The following BTBD10 variants were observed in gnomAD, a reference collection of about 807,000 sequenced individuals.
BTBD10 encodes the protein BTB domain containing 10.
A neutral mutation model predicts 53.2 loss-of-function variants in BTBD10; 21 were observed. The ratio of observed to expected loss-of-function variants is 0.39; its 90% CI spans 0.28 to 0.57. The LOEUF (loss-of-function observed/expected upper bound fraction) is 0.57, where lower values mean the gene tolerates loss of function less well. Among genes scored for constraint, BTBD10 ranks in the 20% least tolerant of loss-of-function variants. The pLI, the probability that BTBD10 is intolerant of heterozygous loss-of-function variation, is 0.53. For missense variants in BTBD10, 360 were observed against 594.7 expected (o/e 0.61, Z 4.10); for synonymous variants, 149 against 192.7 (o/e 0.77, Z 1.88).
At position 13,419,825 on chromosome 11, in the gene BTBD10, G is replaced by C; in HGVS notation, c.299-80C>G. On this transcript the variant is annotated intron_variant, in intron 3 of 8. Coordinates refer to ENST00000278174, the MANE Select transcript of BTBD10 (RefSeq NM_032320.7). ...TTTATATATATCTTTTTAAATGTTT[G>C]ATTTATAAAAGTTGTTTTAAGTCAC... 2.4e-6 allele frequency: 3 copies of C among 1,252,418 alleles called. No homozygotes were observed. The East Asian group carries it at 8.1e-5, about 34-fold the overall frequency. The allele number at this position is 1,252,418 out of a possible 1,614,324, so 77.6% of individuals were successfully genotyped here.
intron 5 of BTBD10, among the ~76,000 whole-genome samples, chr11:13,416,620 A>G (rs1374444040): frequency 6.6e-6 from 1 of 152,182 alleles, no homozygotes; most frequent in African/African-American, 2.4e-5. Context: ...ATAATCCCCT[A>G]TCCTATCATC....
chr11:13,445,472 A>G (rs1950735061), intron 1 of BTBD10, among the ~76,000 whole-genome samples: 1 of 152,158 alleles, frequency 6.6e-6, no homozygotes. Flanking sequence ...TACCTCATGT[A>G]TCCAAATATC....
At chr11:13,461,273 A>C (rs911796331) in intron 1 of BTBD10, among the ~76,000 whole-genome samples, 14 of 152,202 alleles carry the variant, frequency 9.2e-5, no homozygotes, top group Admixed American at 7.9e-4. Context: ...GGTTTTAATT[A>C]GTTGTCAATA....
intron 2 of BTBD10, among the ~76,000 whole-genome samples, chr11:13,426,654 T>C (rs1950344930): frequency 6.6e-6 from 1 of 152,132 alleles, no homozygotes; most frequent in African/African-American, 2.4e-5. Context: ...GAAGGTATAC[T>C]GTGATAAGTT....
chr11:13,436,013 A>C (rs1950537947), intron 2 of BTBD10, among the ~76,000 whole-genome samples: 1 of 152,230 alleles, frequency 6.6e-6, no homozygotes, highest in Non-Finnish European at 1.5e-5. Context: ...CAGTATGTCT[A>C]ACTATCCTAA....
chr11:13,417,379 A>T (rs1200307368), intron 4 of BTBD10, 119 bp from the exon 5 acceptor site: 1 of 670,694 alleles, frequency 1.5e-6, no homozygotes, highest in African/African-American at 1.8e-5. Flanking sequence ...AAGAATTTTT[A>T]TCATTAATTT....
chr11:13,405,642 C>T lies in BTBD10; in HGVS notation c.1006+17G>A. On this transcript the variant is annotated intron_variant, in intron 7 of 8. Transcript: ENST00000278174. ...TCGTGATGATTCAGGGGAGAGAAAACATGCCAGAGTACGTACTTTGTGAAT... is the reference window on the plus strand; with the variant it reads ...TCGTGATGATTCAGGGGAGAGAAAATATGCCAGAGTACGTACTTTGTGAAT... 6.2e-7 allele frequency: 1 copy of T among 1,612,354 alleles called. No individual in the cohort carries two copies.
intron 2 of BTBD10, chr11:13,439,829 T>C: frequency 7.3e-7 from 1 of 1,370,342 alleles, no homozygotes; most frequent in Non-Finnish European, 9.7e-7. Context: ...TCTTTCAAAT[T>C]CATATATGTA....
At chr11:13,406,608 A>C (rs537915091) in intron 6 of BTBD10, among the ~76,000 whole-genome samples, 1 of 108,388 alleles carries the variant, frequency 9.2e-6, no homozygotes, top group African/African-American at 3.2e-5. Context: ...TGAGCCAGAG[A>C]GAGAGACAGT....
Position 13,421,832 on chromosome 11 carries a change from G to A in BTBD10, c.108C>T (p.Ser36=), listed in dbSNP as rs773328272. 5 of 1,604,878 alleles carry A rather than the reference G, an allele frequency of 3.1e-6. No homozygotes were observed. In the South Asian group the frequency reaches 3.3e-5, roughly 11 times the overall value. ...CAACTCCTCCTTTAGCAATACGCGA[G>A]GAAGTACTGATAAGTTAGAAAGGAA... ...PRKLYKHSST[S]SRIAKGGVDH... is the part of the protein sequence containing the mutation. Residue 36 remains serine, a synonymous_variant, in exon 3 of 9, where the codon TCC becomes TCT. Coordinates refer to ENST00000278174, the MANE Select transcript of BTBD10 (RefSeq NM_032320.7).
At chr11:13,448,010 A>G (rs1379927191) in intron 1 of BTBD10, among the ~76,000 whole-genome samples, 1 of 152,152 alleles carries the variant, frequency 6.6e-6, no homozygotes, top group Non-Finnish European at 1.5e-5. Flanking sequence ...CATATTATAT[A>G]CTATTTTGTA....
intron 8 of BTBD10, among the ~76,000 whole-genome samples, chr11:13,395,042 C>T (rs1276373775): frequency 6.7e-6 from 1 of 149,250 alleles, no homozygotes; most frequent in Non-Finnish European, 1.5e-5. Flanking sequence ...ATTTATAGTC[C>T]TTTGGGTATA....
In BTBD10 at chr11:13,388,119, A is replaced by AG. The variant is rs1035601631; in HGVS notation, c.*711dup. The stretch of plus-strand genomic sequence containing the variant: ...TCATTTTCCTATCCCATAACTCTTA[A>AG]GAAAAAAAAAGCATTAGTAAATAAA... On this transcript the variant is annotated 3_prime_UTR_variant, in exon 9 of 9. Coordinates refer to ENST00000278174, the MANE Select transcript of BTBD10 (RefSeq NM_032320.7). 1 of 152,602 alleles carries AG rather than the reference A, an allele frequency of 6.6e-6. No individual in the cohort carries two copies. Among genetic ancestry groups the AG allele is most frequent in the Non-Finnish European group, 1.5e-5 (1 of 68,042 alleles). 9.5% of individuals were successfully genotyped at this position (152,602 alleles called of 1,614,324 possible).
At chr11:13,389,815 A>C (rs1467411018) in intron 8 of BTBD10, among the ~76,000 whole-genome samples, 1 of 152,236 alleles carries the variant, frequency 6.6e-6, no homozygotes, top group Non-Finnish European at 1.5e-5. Context: ...CCTTAAACCT[A>C]CATCTCGTCT....
chr11:13,412,344 T>C (rs1278978157), intron 6 of BTBD10, among the ~76,000 whole-genome samples: 2 of 151,912 alleles, frequency 1.3e-5, no homozygotes, highest in African/African-American at 4.8e-5. Context: ...CCCCAGCTAC[T>C]GGGGAGGCTA....
At chr11:13,395,044 T>C (rs557629405) in intron 8 of BTBD10, among the ~76,000 whole-genome samples, 10 of 149,336 alleles carry the variant, frequency 6.7e-5, no homozygotes, top group African/African-American at 2.2e-4. Flanking sequence ...TTATAGTCCT[T>C]TGGGTATATA....
intron 8 of BTBD10, among the ~76,000 whole-genome samples, chr11:13,394,434 G>T (rs374911196): frequency 5.3e-5 from 8 of 152,280 alleles, no homozygotes; most frequent in South Asian, 2.1e-4. Context: ...TGCCATGATT[G>T]TAAGTTTCCT....
chr11:13,419,855 T>G, intron 3 of BTBD10, 110 bp from the exon 4 acceptor site: 1 of 1,108,894 alleles, frequency 9.0e-7, no homozygotes, highest in Non-Finnish European at 1.2e-6. Flanking sequence ...AGTCACAGCA[T>G]TTCTACTTTT....
intron 1 of BTBD10, among the ~76,000 whole-genome samples, chr11:13,458,262 G>A (rs1352098896): frequency 6.6e-6 from 1 of 151,194 alleles, no homozygotes; most frequent in African/African-American, 2.4e-5. Context: ...TTCTTAATAT[G>A]TTGAGTTCAA....
Sources: gnomAD v4.1 joint callset for allele counts (sites outside exome capture counted in the v4.1 genomes callset) on GRCh38, gnomAD v4.1.1 for gene constraint, MANE v1.5 for transcripts, NCBI Gene and HGNC (gene_info 2026-07-23, HGNC 2026-07-21) for gene names.